Variants in DCLRE1C observed in about 807,000 individuals in gnomAD.
DCLRE1C encodes protein artemis.
DCLRE1C carries 47 observed loss-of-function variants against 61.4 expected under a neutral mutation model. The ratio of observed to expected loss-of-function variants is 0.77; its 90% CI spans 0.61 to 0.98. The LOEUF is 0.98. Among genes scored for constraint, DCLRE1C ranks in the 50% least tolerant of loss-of-function variants. The pLI is 0.00. For missense variants in DCLRE1C, 858 were observed against 816.0 expected (o/e 1.05, Z -0.63); for synonymous variants, 337 against 287.6 (o/e 1.17, Z -1.74).
intron 3 of DCLRE1C, chr10:14,942,533 TACTC>T (rs1841024415): frequency 6.6e-6 from 1 of 152,124 alleles, no homozygotes; most frequent in Admixed American, 6.6e-5. Flanking sequence ...TATGTGTGCA[TACTC>T]ACACACGCAT....
At chr10:14,951,858 C>T (rs565549698) in intron 1 of DCLRE1C, among the ~76,000 whole-genome samples, 18 of 152,254 alleles carry the variant, frequency 1.2e-4, no homozygotes, top group African/African-American at 4.3e-4. Flanking sequence ...GGGGTTAGGG[C>T]TTCAACATAT....
chr10:14,943,763 G>C (rs977326148), intron 3 of DCLRE1C, among the ~76,000 whole-genome samples: 1 of 152,176 alleles, frequency 6.6e-6, no homozygotes, highest in African/African-American at 2.4e-5. Flanking sequence ...TGGCCAGGCT[G>C]TTCTCTATCT....
At chr10:14,953,092 G>C (rs1842690806) in intron 1 of DCLRE1C, among the ~76,000 whole-genome samples, 1 of 152,216 alleles carries the variant, frequency 6.6e-6, no homozygotes, top group South Asian at 2.1e-4. Context: ...CAACTCCAGT[G>C]ATTCCGTTTA....
intron 9 of DCLRE1C, among the ~76,000 whole-genome samples, chr10:14,931,973 G>A (rs1839076763): frequency 1.3e-5 from 2 of 152,188 alleles, no homozygotes; most frequent in African/African-American, 2.4e-5. Context: ...GGCAGAGGTT[G>A]CAGTGAGCCA....
At chr10:14,909,607 GAAAA>G (rs35882715) in intron 13 of DCLRE1C, among the ~76,000 whole-genome samples, 546 of 117,860 alleles carry the variant, frequency 4.6e-3, no homozygotes, top group Middle Eastern at 0.022. Context: ...TTCAAAAAAA[GAAAA>G]AAAAAAAAAA....
At chr10:14,939,664 T>C (rs1165842887) in intron 4 of DCLRE1C, 146 bp downstream of exon 4, 2 of 698,766 alleles carry the variant, frequency 2.9e-6, no homozygotes, top group Non-Finnish European at 4.7e-6. Context: ...TTTTTATTTA[T>C]GGTTAAATGA....
chr10:14,908,779 T>A lies in DCLRE1C; in HGVS notation c.1708A>T (p.Ile570Phe). 1 of 1,614,218 alleles carries A rather than the reference T, an allele frequency of 6.2e-7. No individual in the cohort carries two copies. The highest frequency in any genetic ancestry group is 8.5e-7 in the Non-Finnish European group (1 of 1,180,050). Residue 570 changes from isoleucine (I) to phenylalanine (F), a missense_variant, in exon 14 of 14, where the codon ATT (isoleucine) becomes TTT (phenylalanine). Around this residue, in one of 2 missense-constraint regions of DCLRE1C, gnomAD observed 843 missense variants for 783.5 expected, o/e 1.08. Coordinates refer to ENST00000378278, the MANE Select transcript of DCLRE1C (RefSeq NM_001033855.3). ...LSSQERNSGDITSLDKADYRP... is the reference protein window; with the variant it reads ...LSSQERNSGDFTSLDKADYRP... The stretch of plus-strand genomic sequence containing the variant: ...TAGTCAGCTTTGTCCAAGGAAGTAA[T>A]ATCCCCACTGTTTCTCTCTTGGGAA...
At chr10:14,935,380 C>A in intron 6 of DCLRE1C, 83 bp downstream of exon 6, 1 of 1,446,792 alleles carries the variant, frequency 6.9e-7, no homozygotes, top group Non-Finnish European at 9.6e-7. Flanking sequence ...GCAGGAGAAT[C>A]GCTTGAACTC....
At chr10:14,910,154 G>A (rs961178722) in intron 13 of DCLRE1C, among the ~76,000 whole-genome samples, 1 of 152,148 alleles carries the variant, frequency 6.6e-6, no homozygotes, top group Non-Finnish European at 1.5e-5. Flanking sequence ...AAGGACCATA[G>A]AGACCATTAT....
At chr10:14,910,576 G>T (rs897101366) in intron 13 of DCLRE1C, among the ~76,000 whole-genome samples, 4 of 152,150 alleles carry the variant, frequency 2.6e-5, no homozygotes, top group African/African-American at 7.2e-5. Context: ...TTAGAGGCAT[G>T]AGCCACTTTG....
rs1834423811 is a variant in DCLRE1C at position 14,906,696 on chromosome 10, A to G, written c.*1712T>C. ...TCAAGTGTTAGTTTAACTGATCTGC[A>G]AATTGTTTTAAGTGGTGTCTCTGCT... On this transcript the variant is annotated 3_prime_UTR_variant, in exon 14 of 14. Transcript: ENST00000378278. Among the ~76,000 whole-genome samples, 1 of 152,166 alleles carries G rather than the reference A, an allele frequency of 6.6e-6. No homozygotes were observed. The highest frequency in any genetic ancestry group is 1.5e-5 in the Non-Finnish European group (1 of 68,018).
chr10:14,927,161 T>A (rs1039642662), intron 10 of DCLRE1C, among the ~76,000 whole-genome samples: 1 of 152,104 alleles, frequency 6.6e-6, no homozygotes, highest in Non-Finnish European at 1.5e-5. Context: ...GCGTACGGAT[T>A]GCCTGAGCTC....
chr10:14,930,176 A>T (rs1375358745), intron 9 of DCLRE1C, among the ~76,000 whole-genome samples: 4 of 151,558 alleles, frequency 2.6e-5, no homozygotes, highest in Non-Finnish European at 4.4e-5. Flanking sequence ...CAGTGGTACA[A>T]TCTTGGCTTA....
At chr10:14,943,343 G>A (rs1459867764) in intron 3 of DCLRE1C, among the ~76,000 whole-genome samples, 1 of 151,992 alleles carries the variant, frequency 6.6e-6, no homozygotes, top group Non-Finnish European at 1.5e-5. Flanking sequence ...ATGACCCATG[G>A]CTCCTTTTAA....
intron 13 of DCLRE1C, among the ~76,000 whole-genome samples, chr10:14,916,210 C>T (rs1836158309): frequency 6.6e-6 from 1 of 152,190 alleles, no homozygotes; most frequent in African/African-American, 2.4e-5. Flanking sequence ...GTGACACCCA[C>T]TCTTGCCACT....
intron 11 of DCLRE1C, among the ~76,000 whole-genome samples, chr10:14,924,804 G>A (rs879936443): frequency 2.0e-5 from 3 of 151,696 alleles, no homozygotes; most frequent in Non-Finnish European, 2.9e-5. Context: ...CCGAGATCAC[G>A]CCACTGCACT....
At chr10:14,925,723 T>C (rs1837862653) in intron 11 of DCLRE1C, among the ~76,000 whole-genome samples, 1 of 152,198 alleles carries the variant, frequency 6.6e-6, no homozygotes, top group South Asian at 2.1e-4. Context: ...GAACACTCGA[T>C]AGGACTTCAG....
chr10:14,953,058 G>A (rs1403961674), intron 1 of DCLRE1C, among the ~76,000 whole-genome samples: 3 of 152,238 alleles, frequency 2.0e-5, no homozygotes, highest in South Asian at 2.1e-4. Flanking sequence ...CCAGCACGCT[G>A]CAAGGCCACA....
At chr10:14,901,991 G>A (rs1203470949), downstream of DCLRE1C, among the ~76,000 whole-genome samples, 1 of 152,138 alleles carries the variant, frequency 6.6e-6, no homozygotes, top group Non-Finnish European at 1.5e-5. Context: ...CAATATAAAT[G>A]TTTTCTTTCC....
Sources: gnomAD v4.1 joint callset for allele counts (sites outside exome capture counted in the v4.1 genomes callset) on GRCh38, gnomAD v4.1.1 for gene constraint, gnomAD v4.1.1 regional missense constraint, MANE v1.5 for transcripts, NCBI Gene and HGNC (gene_info 2026-07-23, HGNC 2026-07-21) for gene names.